The following RAPGEF1 variants were observed in gnomAD, a reference collection of about 807,000 sequenced individuals.
RAPGEF1 encodes CRK SH3-binding GNRP.
Under a neutral mutation model 143.3 loss-of-function variants are expected in RAPGEF1, and 33 were observed. That is an observed-to-expected ratio of 0.23 (90% CI 0.17 to 0.31). The LOEUF is 0.31. Ranked by LOEUF, RAPGEF1 falls within the 10% of genes least tolerant of loss-of-function variation. The pLI is 1.00. For synonymous variants in RAPGEF1, 629 were observed against 676.5 expected (o/e 0.93, Z 1.09); for missense variants, 1,199 against 1,645.4 (o/e 0.73, Z 4.69).
intron 1 of RAPGEF1, among the ~76,000 whole-genome samples, chr9:131,704,523 C>T (rs990838877): frequency 6.6e-6 from 1 of 151,964 alleles, no homozygotes; most frequent in Non-Finnish European, 1.5e-5. Context: ...TAATTTCATT[C>T]GCTCACACCC....
intron 1 of RAPGEF1, among the ~76,000 whole-genome samples, chr9:131,669,865 A>AT (rs1452526598): frequency 6.6e-6 from 1 of 152,164 alleles, no homozygotes; most frequent in Non-Finnish European, 1.5e-5. Flanking sequence ...TTTCCAGTCA[A>AT]ATGTATTGGC....
chr9:131,733,433 C>A (rs1332195841), intron 1 of RAPGEF1, among the ~76,000 whole-genome samples: 4 of 150,746 alleles, frequency 2.7e-5, no homozygotes, highest in Admixed American at 6.6e-5. Context: ...CAGAGGAGCG[C>A]TCCTTTTGAG....
chr9:131,663,284 A>G (rs1829887245), intron 1 of RAPGEF1, among the ~76,000 whole-genome samples: 1 of 152,220 alleles, frequency 6.6e-6, no homozygotes, highest in South Asian at 2.1e-4. Context: ...AAAGCAACTG[A>G]AAGTTGCACA....
chr9:131,730,697 C>CA (rs56044744), intron 1 of RAPGEF1, among the ~76,000 whole-genome samples: 19 of 80,372 alleles, frequency 2.4e-4, no homozygotes, highest in Admixed American at 7.5e-4. Context: ...GACTCCATCT[C>CA]AAAAAAAAAA....
At position 131,587,807 on chromosome 9, in the gene RAPGEF1, T is replaced by A; in HGVS notation, c.3162A>T (p.Ala1054=). The A allele has an allele frequency of 6.2e-7, 1 of 1,613,836 alleles. No individual in the cohort carries two copies. Among genetic ancestry groups the A allele is most frequent in the Non-Finnish European group, 8.5e-7 (1 of 1,179,816 alleles). Reference sequence around the variant, plus strand: ...GGCTCTTCTCCTCATTCTGCTCTTTTGCCCAAAGCAAAACCTCAGGAATCT... The same window carrying A: ...GGCTCTTCTCCTCATTCTGCTCTTTAGCCCAAAGCAAAACCTCAGGAATCT... ...KIEIPEVLLW[A]KEQNEEKSPN... is the part of the protein sequence containing the mutation. The change falls in exon 22 of 27, where the codon GCA becomes GCT. Residue 1054 remains alanine (A), a synonymous_variant. Coordinates refer to ENST00000683357, the MANE Select transcript of RAPGEF1 (RefSeq NM_001377935.1).
intron 12 of RAPGEF1, among the ~76,000 whole-genome samples, chr9:131,611,976 C>T (rs552603849): frequency 6.6e-6 from 1 of 152,168 alleles, no homozygotes; most frequent in East Asian, 1.9e-4. Context: ...ACAAATGGCT[C>T]AGCTTCTCTC....
At chr9:131,586,386 C>T (rs13286205) in intron 22 of RAPGEF1, among the ~76,000 whole-genome samples, 7 of 83,232 alleles carry the variant, frequency 8.4e-5, no homozygotes, top group South Asian at 5.3e-4. Context: ...ACCTGCAGAG[C>T]GAGACTCCGT....
intron 5 of RAPGEF1, among the ~76,000 whole-genome samples, chr9:131,632,752 C>T (rs898983229): frequency 2.6e-5 from 4 of 152,172 alleles, no homozygotes; most frequent in African/African-American, 9.7e-5. Context: ...GTTTATATTG[C>T]ACGTTTTGTA....
rs376725907 is a variant in RAPGEF1, at chr9:131,614,125, A to G, written c.2061+4926T>C. 1.5e-3 allele frequency among the ~76,000 whole-genome samples: 221 copies of G among 144,532 alleles called. 1 individual carries two copies. The Middle Eastern group carries it at 0.022, about 14-fold the overall frequency. The allele number at this position is 144,532 out of a possible 152,430, so 94.8% of individuals were successfully genotyped here. A position where few individuals can be genotyped will look rare whatever the true frequency, so the allele number is the denominator to read the frequency against. On this transcript the variant is annotated intron_variant, in intron 12 of 26. Transcript: ENST00000683357. ...GACCGTGCAAAGGGAGGGTCAGACC[A>G]GTGTGTGCACCAACACCCCCCCCCA...
At chr9:131,624,705 T>C (rs768412776) in intron 10 of RAPGEF1, among the ~76,000 whole-genome samples, 12 of 152,204 alleles carry the variant, frequency 7.9e-5, no homozygotes, top group Non-Finnish European at 1.5e-4. Flanking sequence ...CACTTGTCCA[T>C]GCAGAGGGAG....
intron 5 of RAPGEF1, among the ~76,000 whole-genome samples, chr9:131,635,301 G>A (rs903507259): frequency 6.6e-6 from 1 of 151,920 alleles, no homozygotes; most frequent in African/African-American, 2.4e-5. Flanking sequence ...CTTGCCCAAG[G>A]TTATACAGCT....
chr9:131,606,740 C>T (rs969787444), intron 12 of RAPGEF1, among the ~76,000 whole-genome samples: 7 of 152,158 alleles, frequency 4.6e-5, no homozygotes, highest in African/African-American at 7.2e-5. Flanking sequence ...CCTCCCACCT[C>T]GGGTTCCTGA....
chr9:131,595,864 T>C (rs979123398), intron 17 of RAPGEF1, among the ~76,000 whole-genome samples: 5 of 152,162 alleles, frequency 3.3e-5, no homozygotes, highest in Non-Finnish European at 5.9e-5. Context: ...GAACAAACCT[T>C]CAAGAATTTC....
chr9:131,589,748 C>T (rs1413559778), intron 19 of RAPGEF1, 138 bp downstream of exon 19: 1 of 764,438 alleles, frequency 1.3e-6, no homozygotes, highest in Non-Finnish European at 2.2e-6. Flanking sequence ...GTCTATCGGG[C>T]ACAGGCCATT....
intron 1 of RAPGEF1, among the ~76,000 whole-genome samples, chr9:131,711,644 C>T (rs1177078656): frequency 6.6e-6 from 1 of 152,264 alleles, no homozygotes; most frequent in Non-Finnish European, 1.5e-5. Context: ...AGGCGTGAGC[C>T]ACCACGCCCA....
intron 1 of RAPGEF1, among the ~76,000 whole-genome samples, chr9:131,714,785 G>A (rs1835748715): frequency 6.7e-6 from 1 of 148,584 alleles, no homozygotes; most frequent in Non-Finnish European, 1.5e-5. Flanking sequence ...ACAGCTCACT[G>A]CAGCCTCCAA....
At chr9:131,601,986 G>A (rs749595765) in intron 15 of RAPGEF1, 75 bp downstream of exon 15, 20 of 1,008,978 alleles carry the variant, frequency 2.0e-5, no homozygotes, top group Non-Finnish European at 2.7e-5. Flanking sequence ...CTAGCTGGGA[G>A]AGGCTGCTCA....
chr9:131,595,446 C>T (rs1307201920), intron 17 of RAPGEF1, among the ~76,000 whole-genome samples: 1 of 152,238 alleles, frequency 6.6e-6, no homozygotes, highest in African/African-American at 2.4e-5. Flanking sequence ...GACAGAGTCC[C>T]TTACAGAAAT....
intron 5 of RAPGEF1, among the ~76,000 whole-genome samples, chr9:131,631,017 A>G (rs1307604888): frequency 1.3e-5 from 2 of 151,984 alleles, no homozygotes; most frequent in African/African-American, 4.8e-5. Flanking sequence ...TACCCAAGTA[A>G]GCGCCACTAA....
Sources: allele counts gnomAD v4.1 joint callset (sites outside exome capture counted in the v4.1 genomes callset), GRCh38; gene constraint gnomAD v4.1.1; transcripts MANE v1.5; gene names NCBI Gene and HGNC (gene_info 2026-07-23, HGNC 2026-07-21).